Variants in RIMS2 observed in about 807,000 individuals in gnomAD.
The protein encoded by RIMS2 is regulating synaptic membrane exocytosis protein 2.
In RIMS2, 59 loss-of-function variants were observed where a neutral mutation model predicts 174.4. The observed-to-expected ratio is 0.34, with a 90% CI of 0.27 to 0.42. The LOEUF (loss-of-function observed/expected upper bound fraction) is 0.42. Ranked by LOEUF, RIMS2 falls within the 10% of genes least tolerant of loss-of-function variation. RIMS2 has a pLI of 1.00. For missense variants in RIMS2, 1,620 were observed against 1,666.3 expected, an observed-to-expected ratio of 0.97 and a Z score of 0.48; for synonymous variants, 606 against 572.5, an observed-to-expected ratio of 1.06 and a Z score of -0.84.
upstream of RIMS2, chr8:103,500,717 C>T: frequency 1.9e-6 from 1 of 537,838 alleles, no homozygotes; most frequent in Non-Finnish European, 3.3e-6. Context: ...CGCTCGCCCT[C>T]CCCTCCCCCT....
downstream of RIMS2, chr8:104,253,906 T>C (rs1022702994): frequency 1.3e-5 from 2 of 152,284 alleles, 1 homozygote; most frequent in Non-Finnish European, 2.9e-5. Context: ...CAATATGAAA[T>C]ACACCAAGAC....
Position 104,051,744 on chromosome 8 carries a change from A to G in RIMS2, c.3334+37129A>G, listed in dbSNP as rs117769455. Among the ~76,000 whole-genome samples the G allele has an allele frequency of 5.4e-4, 82 of 152,334 alleles. 1 individual carries two copies. The East Asian group carries it at 0.014, about 26-fold the overall frequency. On this transcript the variant is annotated intron_variant, in intron 19 of 23. Transcript: ENST00000504942. ...ATAAGTTCTGGAGAAGGGCACGTCA[A>G]TCTCTGCCACCTACTAGTTATATGA...
intron 1 of RIMS2, among the ~76,000 whole-genome samples, chr8:103,662,745 CTA>C (rs1408862946): frequency 2.0e-5 from 3 of 151,980 alleles, no homozygotes; most frequent in Non-Finnish European, 4.4e-5. Flanking sequence ...TAGTCATTCT[CTA>C]GTGTCAATAA....
intron 2 of RIMS2, among the ~76,000 whole-genome samples, chr8:103,764,913 A>G (rs1178650903): frequency 1.3e-5 from 2 of 152,188 alleles, no homozygotes; most frequent in African/African-American, 2.4e-5. Context: ...AAATGTATAT[A>G]CAATTCAATG....
chr8:103,513,299 T>G (rs1258584064), intron 1 of RIMS2, among the ~76,000 whole-genome samples: 1 of 152,222 alleles, frequency 6.6e-6, no homozygotes, highest in African/African-American at 2.4e-5. Flanking sequence ...ATAATAGTCC[T>G]GGCTCCATCA....
At chr8:104,183,131 T>C (rs2098949481) in intron 19 of RIMS2, among the ~76,000 whole-genome samples, 1 of 151,724 alleles carries the variant, frequency 6.6e-6, no homozygotes, top group Non-Finnish European at 1.5e-5. Context: ...CTTAACAAAA[T>C]AAATCCAATC....
intron 2 of RIMS2, among the ~76,000 whole-genome samples, chr8:103,713,324 T>G (rs1564379761): frequency 6.6e-6 from 1 of 152,152 alleles, no homozygotes; most frequent in Non-Finnish European, 1.5e-5. Flanking sequence ...CGGCCTAATA[T>G]CTTGTGTTTC....
At chr8:103,991,165 T>C (rs2094671449) in intron 17 of RIMS2, among the ~76,000 whole-genome samples, 1 of 151,720 alleles carries the variant, frequency 6.6e-6, no homozygotes, top group African/African-American at 2.4e-5. Context: ...AATTTATAAA[T>C]CTTTTAGTTT....
intron 19 of RIMS2, among the ~76,000 whole-genome samples, chr8:104,056,191 T>G (rs2096865823): frequency 6.6e-6 from 1 of 151,920 alleles, no homozygotes; most frequent in African/African-American, 2.4e-5. Context: ...GATCATGAGG[T>G]CAGGAGATCA....
chr8:103,782,118 T>C (rs2154433768), intron 3 of RIMS2, among the ~76,000 whole-genome samples: 1 of 151,896 alleles, frequency 6.6e-6, no homozygotes, highest in South Asian at 2.1e-4. Flanking sequence ...TGTTTTCTTT[T>C]TTTTTTTTCT....
chr8:103,585,703 G>A (rs763760092), intron 1 of RIMS2, among the ~76,000 whole-genome samples: 1 of 151,490 alleles, frequency 6.6e-6, no homozygotes. Flanking sequence ...ACAGTGAGGG[G>A]AACGTCACAC....
chr8:104,040,424 A>G (rs544415469), intron 19 of RIMS2, among the ~76,000 whole-genome samples: 1 of 151,724 alleles, frequency 6.6e-6, no homozygotes, highest in East Asian at 1.9e-4. Context: ...TTTAACAGAC[A>G]TTTTTCTGTT....
In RIMS2 at chr8:103,910,170, G is replaced by T. The variant is rs2075375029; in HGVS notation, c.1661G>T (p.Trp554Leu). 1.9e-6 allele frequency: 3 copies of T among 1,611,818 alleles called. No homozygotes were observed. The African/African-American group carries it at 4.0e-5, about 22-fold the overall frequency. The change falls in exon 5 of 24, where the codon TGG (tryptophan) becomes TTG (leucine). Residue 554 changes from tryptophan (W) to leucine (L), a missense_variant. Around this residue, in one of 2 missense-constraint regions of RIMS2, gnomAD observed 1,395 missense variants for 1,360.1 expected, o/e 1.03. Coordinates refer to ENST00000504942, the Ensembl canonical transcript of RIMS2. The stretch of plus-strand genomic sequence containing the variant: ...TACAACTGGTTGGATCATACGTCTT[G>T]GCATAGCAGTGAGGCATCCCCAATG...
intron 19 of RIMS2, among the ~76,000 whole-genome samples, chr8:104,066,526 CTCATT>C (rs2097107857): frequency 6.6e-6 from 1 of 152,006 alleles, no homozygotes; most frequent in African/African-American, 2.4e-5. Flanking sequence ...TAATGTTGGG[CTCATT>C]TTTTTATTGG....
intron 3 of RIMS2, among the ~76,000 whole-genome samples, chr8:103,781,280 T>G (rs142545015): frequency 1.3e-5 from 2 of 151,838 alleles, no homozygotes; most frequent in Non-Finnish European, 2.9e-5. Context: ...TTGCCTGGAG[T>G]TTTTTCACTT....
intron 1 of RIMS2, 61 bp downstream of exon 1, chr8:103,501,123 C>G: frequency 7.9e-7 from 1 of 1,268,322 alleles, no homozygotes; most frequent in Non-Finnish European, 1.1e-6. Flanking sequence ...CGCCCACTGC[C>G]CTGCGGCCGC....
At chr8:103,531,956 G>A (rs992442991) in intron 1 of RIMS2, among the ~76,000 whole-genome samples, 4 of 152,138 alleles carry the variant, frequency 2.6e-5, no homozygotes, top group African/African-American at 9.7e-5. Context: ...ATGACACTAT[G>A]CAATATTAAA....
chr8:103,548,144 C>A (rs1225470057), intron 1 of RIMS2, among the ~76,000 whole-genome samples: 1 of 152,166 alleles, frequency 6.6e-6, no homozygotes, highest in East Asian at 1.9e-4. Flanking sequence ...AGAAGGGACT[C>A]CTCCTTAACT....
rs143929294 is a variant in RIMS2 at position 104,013,642 on chromosome 8, A to T, written c.3224+21A>T. Reference sequence around the variant, plus strand: ...TCGAGGTGAAAGATAAATCAATCAGACTAATTTCCCCTTTGCCCCACCAGC... The same window carrying T: ...TCGAGGTGAAAGATAAATCAATCAGTCTAATTTCCCCTTTGCCCCACCAGC... On this transcript the variant is annotated intron_variant, in intron 18 of 23. Coordinates refer to ENST00000504942, the Ensembl canonical transcript of RIMS2. 3,129 of 1,605,866 alleles carry T rather than the reference A, an allele frequency of 1.9e-3. 5 individuals carry two copies. Among genetic ancestry groups the T allele is most frequent in the Non-Finnish European group, 2.3e-3 (2,645 of 1,173,302 alleles).
Sources: gnomAD v4.1 joint callset for allele counts (sites outside exome capture counted in the v4.1 genomes callset) on GRCh38, gnomAD v4.1.1 for gene constraint, gnomAD v4.1.1 regional missense constraint, MANE v1.5 for transcripts, NCBI Gene and HGNC (gene_info 2026-07-23, HGNC 2026-07-21) for gene names.